COL4A5: variants seen among roughly 807,000 people sequenced by gnomAD.
The protein encoded by COL4A5 is collagen type IV alpha 5 chain.
In COL4A5, 26 loss-of-function variants were observed where a neutral mutation model predicts 130.2. The observed-to-expected ratio is 0.20, with a 90% CI of 0.15 to 0.28. COL4A5 has a LOEUF of 0.28. COL4A5 is among the 10% of genes least tolerant of loss of function. The probability of loss-of-function intolerance (pLI) is 1.00; values close to 1 mark genes in which losing one functional copy is unlikely to be tolerated. For missense variants in COL4A5, 1,131 were observed against 1,344.3 expected (o/e 0.84, Z 2.48); for synonymous variants, 496 against 439.6 (o/e 1.13, Z -1.60).
chrX:108,479,696 G>A (rs1211916110), intron 1 of COL4A5, among the ~76,000 whole-genome samples: 4 of 111,587 alleles, frequency 3.6e-5, no homozygotes, highest in South Asian at 3.8e-4. Context: ...GGACCTGCTC[G>A]AGCCCAATCA....
In COL4A5 at chrX:108,468,830, T is replaced by C. The variant is rs187089669; in HGVS notation, c.81+28624T>C. Among the ~76,000 whole-genome samples, 28 of 110,582 alleles carry C rather than the reference T, an allele frequency of 2.5e-4. No individual in the cohort carries two copies. In the East Asian group the frequency reaches 3.9e-3, roughly 16 times the overall value. ...ACTATTAATCTATAATTTTATTTTC[T>C]TTAGCATCTTTGGCTTTCATATCAG... On this transcript the variant is annotated intron_variant, in intron 1 of 52. Coordinates refer to ENST00000328300, the MANE Select transcript of COL4A5 (RefSeq NM_033380.3).
In COL4A5 at chrX:108,597,583, T is replaced by C. The variant is rs2066543802; in HGVS notation, c.1779+15T>C. 2 of 1,199,591 alleles carry C rather than the reference T, an allele frequency of 1.7e-6. No homozygotes were observed. The highest frequency in any genetic ancestry group is 3.0e-5 in the East Asian group (1 of 33,692). ...AAGGAGAGCCTGTGAGTTGGTTTGA[T>C]ATTTTTGGTTTTGTGATGTTAAATT... On this transcript the variant is annotated intron_variant, in intron 24 of 52. Coordinates refer to ENST00000328300, the MANE Select transcript of COL4A5 (RefSeq NM_033380.3).
At chrX:108,500,599 A>G (rs1475059086) in intron 1 of COL4A5, among the ~76,000 whole-genome samples, 1 of 111,843 alleles carries the variant, frequency 8.9e-6, no homozygotes, top group Non-Finnish European at 1.9e-5. Context: ...CATGTAATCC[A>G]TTGTGATGGC....
chrX:108,547,277 A>C (rs1281065934), intron 2 of COL4A5, among the ~76,000 whole-genome samples: 1 of 111,350 alleles, frequency 9.0e-6, no homozygotes, highest in Non-Finnish European at 1.9e-5. Flanking sequence ...TGACATACAG[A>C]TGGGGTTTCG....
intron 2 of COL4A5, among the ~76,000 whole-genome samples, chrX:108,548,990 T>G (rs1399853481): frequency 9.0e-6 from 1 of 111,552 alleles, no homozygotes; most frequent in Admixed American, 9.5e-5. Context: ...TTCTTCAGGC[T>G]AAGGGGAAAT....
chrX:108,549,418 G>A, intron 2 of COL4A5, among the ~76,000 whole-genome samples: 1 of 111,341 alleles, frequency 9.0e-6, no homozygotes, highest in South Asian at 3.7e-4. Context: ...TTATTACAAT[G>A]GAATGAGTAA....
At chrX:108,552,154 A>G (rs2065762199) in intron 2 of COL4A5, among the ~76,000 whole-genome samples, 1 of 111,396 alleles carries the variant, frequency 9.0e-6, no homozygotes, top group Admixed American at 9.5e-5. Flanking sequence ...CCTCAGTGAC[A>G]TGCAATTTAC....
intron 36 of COL4A5, among the ~76,000 whole-genome samples, chrX:108,632,948 C>T (rs780735785): frequency 1.8e-5 from 2 of 111,711 alleles, no homozygotes; most frequent in South Asian, 7.5e-4. Context: ...CTCACTACTC[C>T]TGTTCAACAT....
At chrX:108,681,035 A>C in intron 46 of COL4A5, 79 bp downstream of exon 46, 1 of 931,903 alleles carries the variant, frequency 1.1e-6, no homozygotes, top group Non-Finnish European at 1.5e-6. Context: ...TCTGTCTTTC[A>C]GCCAGACCAT....
chrX:108,520,453 T>G (rs1182942094), intron 1 of COL4A5, among the ~76,000 whole-genome samples: 1 of 111,957 alleles, frequency 8.9e-6, no homozygotes, highest in Non-Finnish European at 1.9e-5. Flanking sequence ...TTACAGTTTA[T>G]TTTCTTTACA....
chrX:108,451,699 T>A (rs2147471153), intron 1 of COL4A5, among the ~76,000 whole-genome samples: 1 of 109,283 alleles, frequency 9.2e-6, no homozygotes, highest in African/African-American at 3.3e-5. Context: ...GTTGTTTGTT[T>A]TTTTCTTGTA....
chrX:108,619,880 C>A (rs940958485), intron 30 of COL4A5, among the ~76,000 whole-genome samples: 2 of 112,061 alleles, frequency 1.8e-5, no homozygotes, highest in Non-Finnish European at 3.8e-5. Flanking sequence ...ACTTTTATAG[C>A]AATTTGATAG....
intron 1 of COL4A5, among the ~76,000 whole-genome samples, chrX:108,445,405 A>C (rs1050274347): frequency 1.8e-5 from 2 of 111,948 alleles, no homozygotes. Context: ...ACTTCTAAGT[A>C]CTCAAAAATT....
At chrX:108,470,241 A>G (rs2064752051) in intron 1 of COL4A5, among the ~76,000 whole-genome samples, 1 of 112,617 alleles carries the variant, frequency 8.9e-6, no homozygotes, top group South Asian at 3.6e-4. Context: ...TGGCTGAACT[A>G]ACATACATTT....
chrX:108,568,719 T>C, intron 5 of COL4A5, 40 bp from the exon 6 acceptor site: 1 of 1,201,627 alleles, frequency 8.3e-7, no homozygotes. Flanking sequence ...TGAAAAGTAA[T>C]CTAAGACATA....
intron 36 of COL4A5, 107 bp downstream of exon 36, chrX:108,626,456 T>C: frequency 6.8e-6 from 8 of 1,171,916 alleles, no homozygotes; most frequent in Non-Finnish European, 9.3e-6. Flanking sequence ...AATGACATAG[T>C]ATATTCTGGA....
chrX:108,468,664 G>A (rs758939733), intron 1 of COL4A5, among the ~76,000 whole-genome samples: 1 of 109,684 alleles, frequency 9.1e-6, no homozygotes, highest in East Asian at 2.9e-4. Context: ...TATTGCATCA[G>A]TGGGTTTTCT....
intron 1 of COL4A5, among the ~76,000 whole-genome samples, chrX:108,511,724 C>A (rs1325313110): frequency 8.9e-6 from 1 of 111,803 alleles, no homozygotes; most frequent in East Asian, 2.8e-4. Flanking sequence ...TATTCTTCAA[C>A]AAATGGTGCT....
At chrX:108,559,387 G>A (rs2065871573) in intron 3 of COL4A5, among the ~76,000 whole-genome samples, 1 of 112,503 alleles carries the variant, frequency 8.9e-6, no homozygotes, top group African/African-American at 3.2e-5. Flanking sequence ...GTTATTGGCT[G>A]CCTTCACAAA....
Sources: allele counts gnomAD v4.1 joint callset (sites outside exome capture counted in the v4.1 genomes callset), GRCh38; gene constraint gnomAD v4.1.1; transcripts MANE v1.5; gene names NCBI Gene and HGNC (gene_info 2026-07-23, HGNC 2026-07-21).